Variants in MFSD6 observed in about 807,000 individuals in gnomAD.
The protein encoded by MFSD6 is major facilitator superfamily domain containing 6, also known as major facilitator superfamily domain-containing protein 6.
Under a neutral mutation model 56.3 loss-of-function variants are expected in MFSD6, and 26 were observed. The observed-to-expected ratio is 0.46, with a 90% CI of 0.34 to 0.64. The LOEUF is 0.64. Among genes scored for constraint, MFSD6 ranks in the 30% least tolerant of loss-of-function variants. The pLI is 0.01. For missense variants in MFSD6, 750 were observed against 986.2 expected, an observed-to-expected ratio of 0.76 and a Z score of 3.21; for synonymous variants, 331 against 366.9, an observed-to-expected ratio of 0.90 and a Z score of 1.12.
chr2:190,472,274 C>T (rs958883182), intron 4 of MFSD6, among the ~76,000 whole-genome samples: 3 of 151,902 alleles, frequency 2.0e-5, no homozygotes, highest in Non-Finnish European at 4.4e-5. Flanking sequence ...AGGCTTCAGA[C>T]GATCAAACTA....
chr2:190,476,597 CT>C (rs1318120482), intron 4 of MFSD6, among the ~76,000 whole-genome samples: 1 of 152,172 alleles, frequency 6.6e-6, no homozygotes, highest in Non-Finnish European at 1.5e-5. Context: ...CACTTTTACA[CT>C]GTTGGTGGGA....
rs1686610425 is a variant in MFSD6, at chr2:190,447,079, A to G, written c.1532+9518A>G. On this transcript the variant is annotated intron_variant, in intron 3 of 7. Transcript: ENST00000392328. This position sits in a 1 kb window ranked among gnomAD's most constrained non-coding sequence, Gnocchi z 4.5. Reference sequence around the variant, plus strand: ...AAAATATGCAGTCTCTCTCTGATTCATAGGCTCAGTAAAAAAAAAAACTTG... The same window carrying G: ...AAAATATGCAGTCTCTCTCTGATTCGTAGGCTCAGTAAAAAAAAAAACTTG... Among the ~76,000 whole-genome samples, 1 of 146,052 alleles carries G rather than the reference A, an allele frequency of 6.8e-6. No individual in the cohort carries two copies. The highest frequency in any genetic ancestry group is 1.6e-5 in the Non-Finnish European group (1 of 64,232).
chr2:190,429,227 CGTGTGTGTGT>C (rs34375122), intron 2 of MFSD6, among the ~76,000 whole-genome samples: 1 of 148,812 alleles, frequency 6.7e-6, no homozygotes, highest in Non-Finnish European at 1.5e-5. Context: ...TCTTTTGTTA[CGTGTGTGTGT>C]GTGTGTGTGT....
At chr2:190,435,124 T>C (rs910975470) in intron 2 of MFSD6, among the ~76,000 whole-genome samples, 1 of 152,180 alleles carries the variant, frequency 6.6e-6, no homozygotes, top group Non-Finnish European at 1.5e-5. Flanking sequence ...GGTGCCAAAA[T>C]GGTTGGGGAC....
intron 3 of MFSD6, among the ~76,000 whole-genome samples, chr2:190,453,298 A>G (rs1429892768): frequency 1.3e-5 from 2 of 152,064 alleles, no homozygotes; most frequent in Non-Finnish European, 2.9e-5. Context: ...GGCTCTGGGT[A>G]GGGGAAGAGG....
chr2:190,455,528 A>G (rs1324903744), intron 3 of MFSD6, among the ~76,000 whole-genome samples: 4 of 152,164 alleles, frequency 2.6e-5, no homozygotes, highest in Non-Finnish European at 5.9e-5. Context: ...GATCTGCACG[A>G]CCCTGGCAAC....
intron 1 of MFSD6, among the ~76,000 whole-genome samples, chr2:190,409,408 T>C (rs930803181): frequency 6.6e-6 from 1 of 152,064 alleles, no homozygotes; most frequent in African/African-American, 2.4e-5. Flanking sequence ...CTGGAACATA[T>C]AATACCTTGC....
Position 190,454,954 on chromosome 2 carries a change from G to T in MFSD6, c.1533-14804G>T. On this transcript the variant is annotated intron_variant, in intron 3 of 7. Coordinates refer to ENST00000392328, the MANE Select transcript of MFSD6 (RefSeq NM_017694.4). This position sits in a 1 kb window ranked among gnomAD's most constrained non-coding sequence, Gnocchi z 4.6. ...TCTGTATGTATATGTATATGTATAT[G>T]TATATGTATATGTATATGTATATGT... is the stretch of plus-strand genomic sequence containing the variant. Among the ~76,000 whole-genome samples, 1 of 97,542 alleles carries T rather than the reference G, an allele frequency of 1.0e-5. No homozygotes were observed. The highest frequency in any genetic ancestry group is 4.3e-4 in the South Asian group (1 of 2,326). 64.0% of individuals were successfully genotyped at this position (97,542 alleles called of 152,430 possible).
Position 190,499,964 on chromosome 2 carries a change from G to T in MFSD6, c.2173-51G>T. The T allele has an allele frequency of 1.2e-6, 2 of 1,608,538 alleles. No individual in the cohort carries two copies. Among genetic ancestry groups the T allele is most frequent in the South Asian group, 1.1e-5 (1 of 90,644 alleles). On this transcript the variant is annotated intron_variant, in intron 7 of 7. Coordinates refer to ENST00000392328, the MANE Select transcript of MFSD6 (RefSeq NM_017694.4). This position sits in a 1 kb window ranked among gnomAD's most constrained non-coding sequence, Gnocchi z 6.0. ...ACTTGAAAGCATATATAAAAAGTTGGATTTATTTGCTATCACTGATCATGG... is the reference window on the plus strand; with the variant it reads ...ACTTGAAAGCATATATAAAAAGTTGTATTTATTTGCTATCACTGATCATGG...
rs1687172069 is a variant in MFSD6, at chr2:190,458,761, C to T, written c.1533-10997C>T. ...TTAAGTAAAATGGGGACTGTATTGT[C>T]CAATTGAGAAGTCCAGCAAATGACC... On this transcript the variant is annotated intron_variant, in intron 3 of 7. Transcript: ENST00000392328. The surrounding 1 kb of genome is among the most constrained non-coding windows in gnomAD (Gnocchi z 5.3). Among the ~76,000 whole-genome samples the T allele has an allele frequency of 6.6e-6, 1 of 152,124 alleles. No individual in the cohort carries two copies.
rs1383236315 is a variant in MFSD6, at chr2:190,434,365, G to T, written c.-53-1612G>T. 6.6e-6 allele frequency among the ~76,000 whole-genome samples: 1 copy of T among 151,992 alleles called. No homozygotes were observed. The highest frequency in any genetic ancestry group is 1.5e-5 in the Non-Finnish European group (1 of 67,976). On this transcript the variant is annotated intron_variant, in intron 2 of 7. Transcript: ENST00000392328. The surrounding 1 kb of genome is among the most constrained non-coding windows in gnomAD (Gnocchi z 4.3). ...AAAGGGAAATTCTGATGGGATGCTGGCACAGTTCCTATAAATTTATATAAA... is the reference window on the plus strand; with the variant it reads ...AAAGGGAAATTCTGATGGGATGCTGTCACAGTTCCTATAAATTTATATAAA...
Position 190,500,080 on chromosome 2 carries a change from CTCTGACCCA to C in MFSD6, c.2242_2250del (p.Asp748_Ser750del). The stretch of plus-strand genomic sequence containing the variant: ...CCCAGCCTGTCCCATGTGAGACTCA[CTCTGACCCA>C]TCTAGAAACCAGCCATCCCCTGACG... On this transcript the variant is annotated inframe_deletion, in exon 8 of 8. Coordinates refer to ENST00000392328, the MANE Select transcript of MFSD6 (RefSeq NM_017694.4). The surrounding 1 kb of genome is among the most constrained non-coding windows in gnomAD (Gnocchi z 5.3). 6.2e-7 allele frequency: 1 copy of C among 1,614,254 alleles called. No individual in the cohort carries two copies. The highest frequency in any genetic ancestry group is 8.5e-7 in the Non-Finnish European group (1 of 1,180,044).
At chr2:190,432,501 C>A (rs1467143515) in intron 2 of MFSD6, among the ~76,000 whole-genome samples, 2 of 152,192 alleles carry the variant, frequency 1.3e-5, no homozygotes, top group Non-Finnish European at 2.9e-5. Context: ...TCTGCAACCT[C>A]CGGCTCCTGG....
At chr2:190,486,367 G>C (rs1290105536) in intron 4 of MFSD6, among the ~76,000 whole-genome samples, 1 of 152,346 alleles carries the variant, frequency 6.6e-6, no homozygotes, top group East Asian at 1.9e-4. Context: ...TACGTTAGGG[G>C]AGCCCTCTAT....
rs1286182645 is a variant in MFSD6 at position 190,410,368 on chromosome 2, T to A, written c.-176+1865T>A. Among the ~76,000 whole-genome samples, 2 of 152,198 alleles carry A rather than the reference T, an allele frequency of 1.3e-5. No individual in the cohort carries two copies. Among genetic ancestry groups the A allele is most frequent in the Non-Finnish European group, 2.9e-5 (2 of 68,036 alleles). On this transcript the variant is annotated intron_variant, in intron 1 of 7. Transcript: ENST00000392328. This position sits in a 1 kb window ranked among gnomAD's most constrained non-coding sequence, Gnocchi z 4.4. ...AGAGGTAGAGTTAAATTTGACCTCA[T>A]GTTTCTGGCTCCAAAGCCCAGGAAA...
At chr2:190,493,321 C>G (rs1453835747) in intron 6 of MFSD6, among the ~76,000 whole-genome samples, 2 of 152,124 alleles carry the variant, frequency 1.3e-5, no homozygotes, top group Admixed American at 6.5e-5. Context: ...CCTTGCCCAA[C>G]AGGAAAATTT....
In MFSD6 at chr2:190,425,779, A is replaced by C. The variant is rs1311303718; in HGVS notation, c.-53-10198A>C. ...TATTTTCTTAAGGGTTCTTGTATCT[A>C]GATTTACCAGGGATATTAGTAGTTT... is the stretch of plus-strand genomic sequence containing the variant. On this transcript the variant is annotated intron_variant, in intron 2 of 7. Transcript: ENST00000392328. The surrounding 1 kb of genome is among the most constrained non-coding windows in gnomAD (Gnocchi z 4.3). Among the ~76,000 whole-genome samples, 1 of 152,146 alleles carries C rather than the reference A, an allele frequency of 6.6e-6. No homozygotes were observed. Among genetic ancestry groups the C allele is most frequent in the South Asian group, 2.1e-4 (1 of 4,834 alleles).
chr2:190,435,890 A>T, intron 2 of MFSD6, 87 bp from the exon 3 acceptor site: 1 of 1,130,414 alleles, frequency 8.8e-7, no homozygotes, highest in African/African-American at 1.6e-5. Context: ...TTTAGTTTGT[A>T]ACTGCTTAAT....
Position 190,495,751 on chromosome 2 carries a change from T to G in MFSD6, c.1892-1688T>G, listed in dbSNP as rs1239076914. The stretch of plus-strand genomic sequence containing the variant: ...AGAAACATAAAGGGGGAAAGGATAC[T>G]CTATTCAACAAATGGTGCTGGGATA... On this transcript the variant is annotated intron_variant, in intron 6 of 7. Coordinates refer to ENST00000392328, the MANE Select transcript of MFSD6 (RefSeq NM_017694.4). The surrounding 1 kb of genome is among the most constrained non-coding windows in gnomAD (Gnocchi z 4.7). Among the ~76,000 whole-genome samples the G allele has an allele frequency of 6.6e-6, 1 of 152,040 alleles. No individual in the cohort carries two copies. Among genetic ancestry groups the G allele is most frequent in the Non-Finnish European group, 1.5e-5 (1 of 67,966 alleles).
Sources: gnomAD v4.1 joint callset for allele counts (sites outside exome capture counted in the v4.1 genomes callset) on GRCh38, gnomAD v4.1.1 for gene constraint, Gnocchi (gnomAD v3.1) non-coding constraint, MANE v1.5 for transcripts, NCBI Gene and HGNC (gene_info 2026-07-23, HGNC 2026-07-21) for gene names.